Variants in TMEM255B observed in about 807,000 individuals in gnomAD.
TMEM255B encodes transmembrane protein 255B, also known as family with sequence similarity 70, member B.
A neutral mutation model predicts 34.5 loss-of-function variants in TMEM255B; 35 were observed. The observed-to-expected ratio is 1.01, with a 90% CI of 0.77 to 1.34. The LOEUF is 1.34. Among genes scored for constraint, TMEM255B ranks in the 40% most tolerant of loss-of-function variants. The pLI is 0.00. For missense variants in TMEM255B, 432 were observed against 433.2 expected (o/e 1.00, Z 0.02); for synonymous variants, 206 against 201.2 (o/e 1.02, Z -0.20).
chr13:113,797,345 G>A (rs1175409957), intron 4 of TMEM255B, among the ~76,000 whole-genome samples: 1 of 152,262 alleles, frequency 6.6e-6, no homozygotes, highest in Non-Finnish European at 1.5e-5. Context: ...GAAGAAGACA[G>A]ATGGTGAATT....
intron 4 of TMEM255B, among the ~76,000 whole-genome samples, chr13:113,796,452 T>TACACACCAC (rs1196991056): frequency 4.8e-5 from 2 of 41,664 alleles, no homozygotes; most frequent in Non-Finnish European, 1.1e-4. Context: ...CCACACAGAG[T>TACACACCAC]ACACACCACA....
Position 113,769,143 on chromosome 13 carries a change from G to A in TMEM255B, c.235G>A (p.Glu79Lys), listed in dbSNP as rs1384167307. The change falls in exon 3 of 9, where the codon GAG (glutamate) becomes AAG (lysine). Residue 79 changes from glutamate to lysine, a missense_variant. Transcript: ENST00000375353. This position sits in a 1 kb window ranked among gnomAD's most constrained non-coding sequence, Gnocchi z 4.2. ...AGGAATTATTGGCATCAACTTGGTGGAGAATAGAAGGCAAATGGTAAGAAA... is the reference window on the plus strand; with the variant it reads ...AGGAATTATTGGCATCAACTTGGTGAAGAATAGAAGGCAAATGGTAAGAAA... The part of the protein sequence containing the change: ...FLGIIGINLV[E>K]NRRQMLVAAI... 6 of 1,614,080 alleles carry A rather than the reference G, an allele frequency of 3.7e-6. No individual in the cohort carries two copies. The highest frequency in any genetic ancestry group is 5.1e-6 in the Non-Finnish European group (6 of 1,180,040).
rs1022764592 is a variant in TMEM255B, at chr13:113,795,056, G to A, written c.253-92G>A. The A allele has an allele frequency of 2.6e-6, 3 of 1,171,746 alleles. No homozygotes were observed. In the South Asian group the frequency reaches 3.9e-5, roughly 15 times the overall value. 72.6% of individuals were successfully genotyped at this position (1,171,746 alleles called of 1,614,324 possible). On this transcript the variant is annotated intron_variant, in intron 3 of 8. Coordinates refer to ENST00000375353, the MANE Select transcript of TMEM255B (RefSeq NM_182614.4). ...GAGAAGAGGCAGTTCTGTGAAAGAA[G>A]CCCCGACCTCGAGCTGGGACTTTGA...
chr13:113,776,141 T>A (rs1376346507), intron 3 of TMEM255B, among the ~76,000 whole-genome samples: 1 of 152,072 alleles, frequency 6.6e-6, no homozygotes, highest in African/African-American at 2.4e-5. Context: ...CGTCCCCCAC[T>A]CTCTGCTCAA....
intron 8 of TMEM255B, among the ~76,000 whole-genome samples, 191 bp downstream of exon 8, chr13:113,805,219 G>A (rs924335556): frequency 1.5e-4 from 23 of 152,166 alleles, no homozygotes; most frequent in Non-Finnish European, 2.4e-4. Context: ...CGGGGACCGC[G>A]CCAGGTGGCC....
intron 2 of TMEM255B, chr13:113,768,866 T>C: frequency 1.6e-6 from 1 of 618,606 alleles, no homozygotes; most frequent in South Asian, 1.5e-5. Flanking sequence ...AACAGATGCA[T>C]CATTAAAAAC....
intron 3 of TMEM255B, among the ~76,000 whole-genome samples, chr13:113,789,155 T>A (rs1594141963): frequency 6.7e-6 from 1 of 150,100 alleles, no homozygotes; most frequent in African/African-American, 2.4e-5. Context: ...GACCTTATGC[T>A]CAGTGTGGTT....
chr13:113,766,053 C>A (rs925246220), intron 1 of TMEM255B, 62 bp from the exon 2 acceptor site: 1 of 1,600,574 alleles, frequency 6.2e-7, no homozygotes. Flanking sequence ...CCAGAGCCTG[C>A]TGGCCTGACG....
At position 113,769,162 on chromosome 13, in the gene TMEM255B, T is replaced by C; in HGVS notation, c.252+2T>C. ...TTGGTGGAGAATAGAAGGCAAATGGTAAGAAAGTACATGGGGTGGTGGGGA... is the reference window on the plus strand; with the variant it reads ...TTGGTGGAGAATAGAAGGCAAATGGCAAGAAAGTACATGGGGTGGTGGGGA... On this transcript the variant is annotated splice_donor_variant, in intron 3 of 8. Transcript: ENST00000375353. LOFTEE classifies it high-confidence loss of function. This position sits in a 1 kb window ranked among gnomAD's most constrained non-coding sequence, Gnocchi z 4.2. 1 of 1,614,064 alleles carries C rather than the reference T, an allele frequency of 6.2e-7. No individual in the cohort carries two copies.
intron 3 of TMEM255B, among the ~76,000 whole-genome samples, chr13:113,793,610 C>A (rs1332022738): frequency 6.6e-6 from 1 of 152,254 alleles, no homozygotes; most frequent in Non-Finnish European, 1.5e-5. Flanking sequence ...CCTACCGCCT[C>A]ATCACTCACA....
At chr13:113,793,830 G>A (rs1227682425) in intron 3 of TMEM255B, among the ~76,000 whole-genome samples, 1 of 152,224 alleles carries the variant, frequency 6.6e-6, no homozygotes, top group Non-Finnish European at 1.5e-5. Context: ...TTCCAGGGAG[G>A]ACCCCCAGCG....
rs1594623409 is a variant in TMEM255B, at chr13:113,769,975, C to A, written c.252+815C>A. 6.6e-6 allele frequency among the ~76,000 whole-genome samples: 1 copy of A among 152,100 alleles called. No homozygotes were observed. Among genetic ancestry groups the A allele is most frequent in the East Asian group, 1.9e-4 (1 of 5,186 alleles). ...CAGCGTGCAAATGACCTGTGTCGGG[C>A]CCCCAACCCCTGCCTGTTCCCAGTT... On this transcript the variant is annotated intron_variant, in intron 3 of 8. Coordinates refer to ENST00000375353, the MANE Select transcript of TMEM255B (RefSeq NM_182614.4). The surrounding 1 kb of genome is among the most constrained non-coding windows in gnomAD (Gnocchi z 4.2).
rs570053986 is a variant in TMEM255B, at chr13:113,769,616, A to G, written c.252+456A>G. 65 of 171,426 alleles carry G rather than the reference A, an allele frequency of 3.8e-4. No homozygotes were observed. The highest frequency in any genetic ancestry group is 1.5e-3 in the African/African-American group (62 of 42,292). 10.6% of individuals were successfully genotyped at this position (171,426 alleles called of 1,614,324 possible). ...AGACTAAGAGGAGAGGTAAAGACAT[A>G]AAACCAGGAGGGAGCCCCCGGTTCA... On this transcript the variant is annotated intron_variant, in intron 3 of 8. Coordinates refer to ENST00000375353, the MANE Select transcript of TMEM255B (RefSeq NM_182614.4). This position sits in a 1 kb window ranked among gnomAD's most constrained non-coding sequence, Gnocchi z 4.2.
chr13:113,799,888 C>A, intron 5 of TMEM255B: 3 of 1,131,028 alleles, frequency 2.7e-6, no homozygotes, highest in Non-Finnish European at 3.6e-6. Context: ...GAGGGCACAG[C>A]TCTGTGACGG....
chr13:113,804,970 G>A lies in TMEM255B; in HGVS notation c.755G>A (p.Gly252Asp). 6.2e-7 allele frequency: 1 copy of A among 1,606,706 alleles called. No homozygotes were observed. Among genetic ancestry groups the A allele is most frequent in the Non-Finnish European group, 8.5e-7 (1 of 1,179,770 alleles). Residue 252 changes from glycine (G) to aspartate (D), a missense_variant, in exon 8 of 9, where the codon GGC (glycine) becomes GAC (aspartate). By Grantham distance (94) the Gly-to-Asp change is moderately conservative. Coordinates refer to ENST00000375353, the MANE Select transcript of TMEM255B (RefSeq NM_182614.4). ...GCCCAGCAGATCCTGGCCTACGCAG[G>A]CTTCCGCCTGACGCCCGAGCCCGTC... ...NPAQQILAYA[G>D]FRLTPEPVPT...
intron 8 of TMEM255B, among the ~76,000 whole-genome samples, chr13:113,808,792 T>TGGCG (rs1555302321): frequency 2.6e-5 from 1 of 38,484 alleles, no homozygotes; most frequent in Admixed American, 4.0e-4. Context: ...CTGTGGTTCC[T>TGGCG]GGGGGGGGGG....
intron 1 of TMEM255B, chr13:113,761,200 C>T (rs936666797): frequency 2.4e-5 from 24 of 985,344 alleles, no homozygotes; most frequent in East Asian, 2.3e-4. Context: ...GTTCCAGGTC[C>T]GGCTGGCAGG....
In TMEM255B at chr13:113,769,470, T is replaced by A. The variant is rs1566721663; in HGVS notation, c.252+310T>A. On this transcript the variant is annotated intron_variant, in intron 3 of 8. Coordinates refer to ENST00000375353, the MANE Select transcript of TMEM255B (RefSeq NM_182614.4). The surrounding 1 kb of genome is among the most constrained non-coding windows in gnomAD (Gnocchi z 4.2). Reference sequence around the variant, plus strand: ...GAAGTTTGGGACGGGGGTGGCAAATTAAATTAAGTCCTAGTGTGTAAAGTT... The same window carrying A: ...GAAGTTTGGGACGGGGGTGGCAAATAAAATTAAGTCCTAGTGTGTAAAGTT... 5 of 352,596 alleles carry A rather than the reference T, an allele frequency of 1.4e-5. No individual in the cohort carries two copies. The highest frequency in any genetic ancestry group is 2.1e-5 in the Non-Finnish European group (4 of 187,202). The allele number at this position is 352,596 out of a possible 1,614,324, so 21.8% of individuals were successfully genotyped here. A position where few individuals can be genotyped will look rare whatever the true frequency, so the allele number is the denominator to read the frequency against.
chr13:113,784,312 G>A (rs2050708162), intron 3 of TMEM255B, among the ~76,000 whole-genome samples: 1 of 152,130 alleles, frequency 6.6e-6, no homozygotes, highest in Admixed American at 6.5e-5. Context: ...AGAAGAGACT[G>A]GGAGTTCCCA....
Sources: gnomAD v4.1 joint callset for allele counts (sites outside exome capture counted in the v4.1 genomes callset) on GRCh38, gnomAD v4.1.1 for gene constraint, Gnocchi (gnomAD v3.1) non-coding constraint, MANE v1.5 for transcripts, NCBI Gene and HGNC (gene_info 2026-07-23, HGNC 2026-07-21) for gene names.